The following ZNF830 variants were observed in gnomAD, a reference collection of about 807,000 sequenced individuals.
The protein encoded by ZNF830 is zinc finger protein 830, also known as coiled-coil domain containing 16.
Under a neutral mutation model 28.1 loss-of-function variants are expected in ZNF830, and 15 were observed. The observed-to-expected ratio is 0.53, with a 90% CI of 0.36 to 0.82. The LOEUF is 0.82. Among genes scored for constraint, ZNF830 ranks in the 40% least tolerant of loss-of-function variants. ZNF830 has a pLI of 0.01. For synonymous variants in ZNF830, 208 were observed against 185.3 expected (o/e 1.12, Z -0.99); for missense variants, 456 against 467.7 (o/e 0.97, Z 0.23).
At position 34,962,917 on chromosome 17, in the gene ZNF830, C is replaced by A; in HGVS notation, c.*232C>A. On this transcript the variant is annotated 3_prime_UTR_variant, in exon 1 of 1. Coordinates refer to ENST00000361952, the MANE Select transcript of ZNF830 (RefSeq NM_052857.4). Reference sequence around the variant, plus strand: ...GAAGTGTTATATACCAAAATGCCAACATTTCCACGACAGACTTAACTGTAT... The same window carrying A: ...GAAGTGTTATATACCAAAATGCCAAAATTTCCACGACAGACTTAACTGTAT... The A allele has an allele frequency of 1.8e-6, 1 of 549,530 alleles. No individual in the cohort carries two copies. Among genetic ancestry groups the A allele is most frequent in the Non-Finnish European group, 2.9e-6 (1 of 345,392 alleles). The allele number at this position is 549,530 out of a possible 1,614,324, so 34.0% of individuals were successfully genotyped here. A position where few individuals can be genotyped will look rare whatever the true frequency, so the allele number is the denominator to read the frequency against.
Position 34,962,526 on chromosome 17 carries a change from G to C in ZNF830, c.960G>C (p.Lys320Asn). 6.2e-7 allele frequency: 1 copy of C among 1,614,126 alleles called. No homozygotes were observed. The highest frequency in any genetic ancestry group is 8.5e-7 in the Non-Finnish European group (1 of 1,180,020). ...EQIECYRRVEKLRNRQDEIKN... is the reference protein window; with the variant it reads ...EQIECYRRVENLRNRQDEIKN... ...TAGAGTGTTACCGACGGGTGGAAAA[G>C]CTACGGAATCGCCAGGATGAAATAA... is the stretch of plus-strand genomic sequence containing the variant. The change falls in exon 1 of 1, where the codon AAG (lysine) becomes AAC (asparagine). Residue 320 changes from lysine to asparagine, a missense_variant. Lys to Asn is a moderately conservative substitution (Grantham distance 94, BLOSUM62 0). Around this residue, in one of 2 missense-constraint regions of ZNF830, gnomAD observed 125 missense variants for 177.7 expected, o/e 0.70. Coordinates refer to ENST00000361952, the MANE Select transcript of ZNF830 (RefSeq NM_052857.4).
In ZNF830 at chr17:34,962,935, A is replaced by C. The variant is rs1419054707; in HGVS notation, c.*250A>C. ...ATGCCAACATTTCCACGACAGACTT[A>C]ACTGTATAATTTCGTTGTAAAATCT... is the stretch of plus-strand genomic sequence containing the variant. On this transcript the variant is annotated 3_prime_UTR_variant, in exon 1 of 1. Coordinates refer to ENST00000361952, the MANE Select transcript of ZNF830 (RefSeq NM_052857.4). 4.8e-6 allele frequency: 2 copies of C among 419,002 alleles called. No individual in the cohort carries two copies. Among genetic ancestry groups the C allele is most frequent in the South Asian group, 1.3e-4 (2 of 15,462 alleles). 26.0% of individuals were successfully genotyped at this position (419,002 alleles called of 1,614,324 possible).
At position 34,961,698 on chromosome 17, in the gene ZNF830, G is replaced by C. The variant is rs750651010; in HGVS notation, c.132G>C (p.Lys44Asn). Residue 44 changes from lysine to asparagine, a missense_variant, in exon 1 of 1, where the codon AAG becomes AAC. This residue lies in a region of ZNF830 where 331 missense variants were observed against 290.1 expected (regional missense o/e 1.14). Transcript: ENST00000361952. The part of the protein sequence containing the change: ...SRKRIESPFA[K>N]YNRLGQLSCA... ...AACGGATAGAATCTCCATTCGCGAA[G>C]TACAACCGTTTGGGGCAGCTGAGTT... 1.9e-6 allele frequency: 3 copies of C among 1,614,246 alleles called. No individual in the cohort carries two copies. Among genetic ancestry groups the C allele is most frequent in the Non-Finnish European group, 2.5e-6 (3 of 1,180,038 alleles).
rs1288776561 is a variant in ZNF830, at chr17:34,961,923, C to T, written c.357C>T (p.Thr119=). 6.2e-7 allele frequency: 1 copy of T among 1,614,200 alleles called. No individual in the cohort carries two copies. The highest frequency in any genetic ancestry group is 1.3e-5 in the African/African-American group (1 of 75,050). The stretch of plus-strand genomic sequence containing the variant: ...AAGATGTCAAGAGAGCGAAGGCCAC[C>T]TTGGTGCCTCAGGTACAGCCCTCCA... ...DDQDVKRAKA[T]LVPQVQPSTS... Residue 119 remains threonine (T), a synonymous_variant, in exon 1 of 1, where the codon ACC becomes ACT. Coordinates refer to ENST00000361952, the MANE Select transcript of ZNF830 (RefSeq NM_052857.4).
At position 34,962,027 on chromosome 17, in the gene ZNF830, G is replaced by A; in HGVS notation, c.461G>A (p.Ser154Asn). 6.2e-7 allele frequency: 1 copy of A among 1,614,048 alleles called. No individual in the cohort carries two copies. The highest frequency in any genetic ancestry group is 8.5e-7 in the Non-Finnish European group (1 of 1,180,024). Reference sequence around the variant, plus strand: ...ACTCCCAGTAAGCCTTCAGGACTCAGTTTACTCCCCGATTATGAAGATGAG... The same window carrying A: ...ACTCCCAGTAAGCCTTCAGGACTCAATTTACTCCCCGATTATGAAGATGAG... ...RATPSKPSGL[S>N]LLPDYEDEEE... Residue 154 changes from serine (S) to asparagine (N), a missense_variant, in exon 1 of 1, where the codon AGT becomes AAT. By Grantham distance (46) the Ser-to-Asn change is conservative. Around this residue, in one of 2 missense-constraint regions of ZNF830, gnomAD observed 331 missense variants for 290.1 expected, o/e 1.14. Transcript: ENST00000361952.
At position 34,962,529 on chromosome 17, in the gene ZNF830, A is replaced by G; in HGVS notation, c.963A>G (p.Leu321=). The G allele has an allele frequency of 6.2e-7, 1 of 1,614,150 alleles. No homozygotes were observed. Among genetic ancestry groups the G allele is most frequent in the Non-Finnish European group, 8.5e-7 (1 of 1,180,030 alleles). ...QIECYRRVEK[L]RNRQDEIKNK... ...AGTGTTACCGACGGGTGGAAAAGCT[A>G]CGGAATCGCCAGGATGAAATAAAAA... The change falls in exon 1 of 1, where the codon CTA becomes CTG. Residue 321 remains leucine, a synonymous_variant. Transcript: ENST00000361952.
rs2090431344 is a variant in ZNF830 at position 34,962,398 on chromosome 17, C to G, written c.832C>G (p.Gln278Glu). 1.2e-6 allele frequency: 2 copies of G among 1,614,046 alleles called. No homozygotes were observed. The highest frequency in any genetic ancestry group is 1.7e-6 in the Non-Finnish European group (2 of 1,180,002). ...DQMDKEWDEF[Q>E]KAMRQVNTIS... ...GATGGACAAAGAGTGGGACGAATTCCAAAAAGCCATGAGGCAGGTCAACAC... is the reference window on the plus strand; with the variant it reads ...GATGGACAAAGAGTGGGACGAATTCGAAAAAGCCATGAGGCAGGTCAACAC... Residue 278 changes from glutamine to glutamate, a missense_variant, in exon 1 of 1, where the codon CAA becomes GAA. Gln to Glu is a conservative substitution (Grantham distance 29). Coordinates refer to ENST00000361952, the MANE Select transcript of ZNF830 (RefSeq NM_052857.4).
chr17:34,962,727 A>T lies in ZNF830; in HGVS notation c.*42A>T. On this transcript the variant is annotated 3_prime_UTR_variant, in exon 1 of 1. Transcript: ENST00000361952. The stretch of plus-strand genomic sequence containing the variant: ...GGTTTCTAACAGCCTCTGCTGTTGT[A>T]TAAAAAGTGCTGTCTCTCAGTAGTA... The T allele has an allele frequency of 6.5e-7, 1 of 1,534,424 alleles. No homozygotes were observed. Among genetic ancestry groups the T allele is most frequent in the Non-Finnish European group, 8.7e-7 (1 of 1,147,590 alleles).
In ZNF830 at chr17:34,962,949, G is replaced by T. The variant is rs1301309096; in HGVS notation, c.*264G>T. 1.9e-5 allele frequency: 7 copies of T among 371,764 alleles called. No individual in the cohort carries two copies. The Admixed American group carries it at 2.7e-4, about 14-fold the overall frequency. 23.0% of individuals were successfully genotyped at this position (371,764 alleles called of 1,614,324 possible). On this transcript the variant is annotated 3_prime_UTR_variant, in exon 1 of 1. Transcript: ENST00000361952. ...ACGACAGACTTAACTGTATAATTTCGTTGTAAAATCTGTAAGTTGTAAATA... is the reference window on the plus strand; with the variant it reads ...ACGACAGACTTAACTGTATAATTTCTTTGTAAAATCTGTAAGTTGTAAATA...
rs754649114 is a variant in ZNF830, at chr17:34,961,894, G to T, written c.328G>T (p.Asp110Tyr). ...CAAGAGGAAAGCGCCGGACGCAGACGACCAAGATGTCAAGAGAGCGAAGGC... is the reference window on the plus strand; with the variant it reads ...CAAGAGGAAAGCGCCGGACGCAGACTACCAAGATGTCAAGAGAGCGAAGGC... ...SVKRKAPDAD[D>Y]QDVKRAKATL... Residue 110 changes from aspartate to tyrosine, a missense_variant, in exon 1 of 1, where the codon GAC becomes TAC. Physicochemically the swap from Asp to Tyr is radical, Grantham distance 160. Transcript: ENST00000361952. 6 of 1,614,020 alleles carry T rather than the reference G, an allele frequency of 3.7e-6. No individual in the cohort carries two copies. Among genetic ancestry groups the T allele is most frequent in the African/African-American group, 1.3e-5 (1 of 74,910 alleles).
chr17:34,961,599 A>C lies in ZNF830; in HGVS notation c.33A>C (p.Ala11=), dbSNP rs374954289. The C allele has an allele frequency of 1.2e-6, 2 of 1,614,064 alleles. No homozygotes were observed. Among genetic ancestry groups the C allele is most frequent in the Non-Finnish European group, 1.7e-6 (2 of 1,179,940 alleles). The change falls in exon 1 of 1, where the codon GCA becomes GCC. Residue 11 remains alanine, a synonymous_variant. Coordinates refer to ENST00000361952, the MANE Select transcript of ZNF830 (RefSeq NM_052857.4). ...CCTCCGCCTCCGCCCGGACTCCGGC[A>C]GGGAAGCGAGTGATAAATCAGGAAG... The part of the protein sequence containing the change: MASSASARTP[A]GKRVINQEEL...
chr17:34,961,855 G>A lies in ZNF830; in HGVS notation c.289G>A (p.Ala97Thr). 6.2e-7 allele frequency: 1 copy of A among 1,614,076 alleles called. No individual in the cohort carries two copies. Among genetic ancestry groups the A allele is most frequent in the Non-Finnish European group, 8.5e-7 (1 of 1,180,010 alleles). The change falls in exon 1 of 1, where the codon GCG (alanine) becomes ACG (threonine). Residue 97 changes from alanine (A) to threonine (T), a missense_variant. Transcript: ENST00000361952. ...CAGCCAGGGTTCGTCCGCCAGTTCA[G>A]CGCCTCATTCCGTCAAGAGGAAAGC... ...EASQGSSASS[A>T]PHSVKRKAPD...
chr17:34,961,944 C>T lies in ZNF830; in HGVS notation c.378C>T (p.Pro126=), dbSNP rs760583718. 6.2e-7 allele frequency: 1 copy of T among 1,614,206 alleles called. No homozygotes were observed. The highest frequency in any genetic ancestry group is 8.5e-7 in the Non-Finnish European group (1 of 1,180,036). The change falls in exon 1 of 1, where the codon CCC becomes CCT. Residue 126 remains proline (P), a synonymous_variant. Coordinates refer to ENST00000361952, the MANE Select transcript of ZNF830 (RefSeq NM_052857.4). ...AKATLVPQVQ[P]STSAWTTNFD... is the part of the protein sequence containing the mutation. Reference sequence around the variant, plus strand: ...CCACCTTGGTGCCTCAGGTACAGCCCTCCACATCTGCGTGGACCACCAACT... The same window carrying T: ...CCACCTTGGTGCCTCAGGTACAGCCTTCCACATCTGCGTGGACCACCAACT...
In ZNF830 at chr17:34,961,730, T is replaced by C. The variant is rs1371453523; in HGVS notation, c.164T>C (p.Leu55Pro). ...YNRLGQLSCA[L>P]CNTPVKSELL... Reference sequence around the variant, plus strand: ...CGTTTGGGGCAGCTGAGTTGTGCCCTGTGTAACACTCCGGTTAAGAGCGAG... The same window carrying C: ...CGTTTGGGGCAGCTGAGTTGTGCCCCGTGTAACACTCCGGTTAAGAGCGAG... The change falls in exon 1 of 1, where the codon CTG becomes CCG. Residue 55 changes from leucine to proline, a missense_variant. This residue lies in a region of ZNF830 where 331 missense variants were observed against 290.1 expected (regional missense o/e 1.14). Transcript: ENST00000361952. 1 of 1,614,122 alleles carries C rather than the reference T, an allele frequency of 6.2e-7. No individual in the cohort carries two copies. The highest frequency in any genetic ancestry group is 1.3e-5 in the African/African-American group (1 of 75,020).
In ZNF830 at chr17:34,963,408, A is replaced by G. The variant is rs2090440711; in HGVS notation, c.*723A>G. ...ATTCTAATATATGCCAGGGTTAGAG[A>G]GTAACTGCCCTAAATCCAGAACCCA... On this transcript the variant is annotated 3_prime_UTR_variant, in exon 1 of 1. Coordinates refer to ENST00000361952, the MANE Select transcript of ZNF830 (RefSeq NM_052857.4). 3 of 152,246 alleles carry G rather than the reference A, an allele frequency of 2.0e-5. No homozygotes were observed. In the South Asian group the frequency reaches 6.2e-4, roughly 32 times the overall value. 9.4% of individuals were successfully genotyped at this position (152,246 alleles called of 1,614,324 possible).
Position 34,961,570 on chromosome 17 carries a change from G to A in ZNF830, c.4G>A (p.Ala2Thr). Residue 2 changes from alanine to threonine, a missense_variant, in exon 1 of 1, where the codon GCG becomes ACG. Transcript: ENST00000361952. M[A>T]SSASARTPAG... ...CGTTTTGGGTCTGGTCGCCAAGATG[G>A]CGTCCTCCGCCTCCGCCCGGACTCC... 1 of 1,613,416 alleles carries A rather than the reference G, an allele frequency of 6.2e-7. No individual in the cohort carries two copies. Among genetic ancestry groups the A allele is most frequent in the Non-Finnish European group, 8.5e-7 (1 of 1,179,488 alleles).
chr17:34,961,695 G>C lies in ZNF830; in HGVS notation c.129G>C (p.Ala43=). Residue 43 remains alanine (A), a synonymous_variant, in exon 1 of 1, where the codon GCG becomes GCC. Coordinates refer to ENST00000361952, the MANE Select transcript of ZNF830 (RefSeq NM_052857.4). The part of the protein sequence containing the change: ...TSRKRIESPF[A]KYNRLGQLSC... ...GGAAACGGATAGAATCTCCATTCGC[G>C]AAGTACAACCGTTTGGGGCAGCTGA... 3 of 1,614,232 alleles carry C rather than the reference G, an allele frequency of 1.9e-6. No individual in the cohort carries two copies. Among genetic ancestry groups the C allele is most frequent in the Non-Finnish European group, 2.5e-6 (3 of 1,180,044 alleles).
At position 34,962,339 on chromosome 17, in the gene ZNF830, C is replaced by G; in HGVS notation, c.773C>G (p.Ala258Gly). The G allele has an allele frequency of 6.2e-7, 1 of 1,614,028 alleles. No homozygotes were observed. The highest frequency in any genetic ancestry group is 8.5e-7 in the Non-Finnish European group (1 of 1,180,038). Residue 258 changes from alanine (A) to glycine (G), a missense_variant, in exon 1 of 1, where the codon GCA (alanine) becomes GGA (glycine). Transcript: ENST00000361952. The stretch of plus-strand genomic sequence containing the variant: ...TTTTTTGACGACCCTGAGGTAGATG[C>G]AAGAGTACGAAAGGTTGATGCTCCA... ...EGFFDDPEVD[A>G]RVRKVDAPKD...
Position 34,961,815 on chromosome 17 carries a change from A to T in ZNF830, c.249A>T (p.Lys83Asn). 6.2e-7 allele frequency: 1 copy of T among 1,613,944 alleles called. No homozygotes were observed. The highest frequency in any genetic ancestry group is 1.1e-5 in the South Asian group (1 of 91,060). The change falls in exon 1 of 1, where the codon AAA (lysine) becomes AAT (asparagine). Residue 83 changes from lysine (K) to asparagine (N), a missense_variant. By Grantham distance (94) the Lys-to-Asn change is moderately conservative. This residue lies in a region of ZNF830 where 331 missense variants were observed against 290.1 expected (regional missense o/e 1.14). Transcript: ENST00000361952. ...KQHREKVAEL[K>N]GAKEASQGSS... ...ACCGAGAGAAAGTGGCCGAGCTGAA[A>T]GGCGCGAAGGAAGCCAGCCAGGGTT...
Sources: allele counts gnomAD v4.1 joint callset, GRCh38; gene constraint gnomAD v4.1.1; regional missense constraint gnomAD v4.1.1; transcripts MANE v1.5; gene names NCBI Gene and HGNC (gene_info 2026-07-23, HGNC 2026-07-21).